Variants in AKAP9 observed in about 807,000 individuals in gnomAD.
AKAP9 encodes the protein A-kinase anchoring protein 9.
In AKAP9, 311 loss-of-function variants were observed where a neutral mutation model predicts 488.5. The ratio of observed to expected loss-of-function variants is 0.64; its 90% CI spans 0.58 to 0.70. The LOEUF is 0.70. Ranked by LOEUF, AKAP9 falls within the 30% of genes least tolerant of loss-of-function variation. The pLI is 0.00. For synonymous variants in AKAP9, 1,462 were observed against 1,483.5 expected, an observed-to-expected ratio of 0.99 and a Z score of 0.33; for missense variants, 4,215 against 4,374.5, an observed-to-expected ratio of 0.96 and a Z score of 1.03.
Position 92,099,760 on chromosome 7 carries a change from C to T in AKAP9, c.10787C>T (p.Thr3596Ile). The change falls in exon 44 of 50, where the codon ACA becomes ATA. Residue 3596 changes from threonine (T) to isoleucine (I), a missense_variant. By Grantham distance (89) the Thr-to-Ile change is moderately conservative. Coordinates refer to ENST00000356239, the MANE Select transcript of AKAP9 (RefSeq NM_005751.5). ...CTACTGAGACAAAATGCTGAGCTGA[C>T]AGGGCATATCAGTCAACTGACTGAA... ...ERLLRQNAEL[T>I]GHISQLTEEK... 6.2e-7 allele frequency: 1 copy of T among 1,614,104 alleles called. No homozygotes were observed. The highest frequency in any genetic ancestry group is 8.5e-7 in the Non-Finnish European group (1 of 1,180,006).
intron 6 of AKAP9, 148 bp from the exon 7 acceptor site, chr7:91,995,455 C>A: frequency 1.5e-6 from 1 of 660,260 alleles, no homozygotes; most frequent in Non-Finnish European, 2.6e-6. Flanking sequence ...CTTGGGTATA[C>A]CTATCTAGTC....
chr7:91,963,372 T>C (rs1380321457), intron 1 of AKAP9, among the ~76,000 whole-genome samples: 19 of 152,274 alleles, frequency 1.2e-4, no homozygotes, highest in Non-Finnish European at 1.5e-5. Context: ...ATTTCTGATT[T>C]ATAAATTAGA....
intron 16 of AKAP9, among the ~76,000 whole-genome samples, chr7:92,037,755 A>G (rs1191109032): frequency 6.6e-6 from 1 of 152,226 alleles, no homozygotes; most frequent in Non-Finnish European, 1.5e-5. Context: ...ATTTGTTTTG[A>G]GGAAATAAGA....
At chr7:92,029,271 G>T (rs999544040) in intron 14 of AKAP9, among the ~76,000 whole-genome samples, 1 of 152,044 alleles carries the variant, frequency 6.6e-6, no homozygotes, top group Non-Finnish European at 1.5e-5. Context: ...GTCCGAAAGT[G>T]AATATTTGTA....
At position 92,083,607 on chromosome 7, in the gene AKAP9, G is replaced by C. The variant is rs144893755; in HGVS notation, c.8598G>C (p.Glu2866Asp). 1.2e-6 allele frequency: 2 copies of C among 1,604,954 alleles called. No individual in the cohort carries two copies. The highest frequency in any genetic ancestry group is 2.7e-5 in the African/African-American group (2 of 74,136). ...EHYVAVQLLKEECGTLKAVIQ... is the reference protein window; with the variant it reads ...EHYVAVQLLKDECGTLKAVIQ... ...ATGTTGCCGTTCAGTTACTGAAAGA[G>C]GAATGTGGTACCTTGAAGGCAGTGA... Residue 2866 changes from glutamate (E) to aspartate (D), a missense_variant, in exon 33 of 50, where the codon GAG becomes GAC. Physicochemically the swap from Glu to Asp is conservative, Grantham distance 45. This residue lies in a region of AKAP9 where 1,476 missense variants were observed against 1,477.4 expected (regional missense o/e 1.00). Transcript: ENST00000356239.
At chr7:92,103,468 G>A (rs550403469) in intron 46 of AKAP9, among the ~76,000 whole-genome samples, 53 of 150,994 alleles carry the variant, frequency 3.5e-4, no homozygotes, top group Non-Finnish European at 6.2e-4. Context: ...GGCTGAGGCC[G>A]GCAGATCGTG....
At chr7:91,955,306 T>G (rs1360786448) in intron 1 of AKAP9, among the ~76,000 whole-genome samples, 4 of 152,186 alleles carry the variant, frequency 2.6e-5, no homozygotes, top group African/African-American at 9.7e-5. Flanking sequence ...GTAAAATGTA[T>G]GTATAAAATA....
intron 21 of AKAP9, among the ~76,000 whole-genome samples, chr7:92,046,320 C>T (rs1453262826): frequency 6.6e-6 from 1 of 152,206 alleles, no homozygotes; most frequent in African/African-American, 2.4e-5. Context: ...CCATTCCACA[C>T]TCAAGCACTT....
Position 92,101,039 on chromosome 7 carries a change from G to T in AKAP9, c.11080G>T (p.Glu3694Ter). ...SLLQTLSPDS[E>*]HVTLKRIYGK... The stretch of plus-strand genomic sequence containing the variant: ...ACTTCAAACTCTGAGCCCTGATTCT[G>T]AACATGTCACTTTAAAGGTAGGAGA... Residue 3694 changes from glutamate (E) to a stop codon, truncating the protein, a stop_gained, in exon 45 of 50, where the codon GAA becomes TAA. Coordinates refer to ENST00000356239, the MANE Select transcript of AKAP9 (RefSeq NM_005751.5). LOFTEE classifies it high-confidence loss of function. 1 of 1,613,610 alleles carries T rather than the reference G, an allele frequency of 6.2e-7. No individual in the cohort carries two copies. Among genetic ancestry groups the T allele is most frequent in the South Asian group, 1.1e-5 (1 of 91,024 alleles).
At chr7:92,102,491 C>CTACT (rs1554469806) in intron 45 of AKAP9, 103 bp from the exon 46 acceptor site, 40 of 656,246 alleles carry the variant, frequency 6.1e-5, no homozygotes, top group African/African-American at 1.1e-4. Context: ...CTACTACTAC[C>CTACT]ACCACCACCA....
intron 15 of AKAP9, 73 bp downstream of exon 15, chr7:92,030,064 A>G: frequency 1.9e-6 from 2 of 1,044,842 alleles, no homozygotes; most frequent in Non-Finnish European, 2.9e-6. Flanking sequence ...TGTCTGGTTT[A>G]CTATCTAATA....
rs1416758645 is a variant in AKAP9 at position 92,091,601 on chromosome 7, A to C, written c.9359-1496A>C. 4.6e-4 allele frequency among the ~76,000 whole-genome samples: 69 copies of C among 151,298 alleles called. 1 individual carries two copies. Among genetic ancestry groups the C allele is most frequent in the Middle Eastern group, 3.4e-3 (1 of 294 alleles). On this transcript the variant is annotated intron_variant, in intron 38 of 49. Transcript: ENST00000356239. The stretch of plus-strand genomic sequence containing the variant: ...ACTCTGTCTCAAAAAAAAAAAACAA[A>C]AAAAAAAAACAAAGCAGAAGCATTC...
At chr7:92,089,570 GA>G (rs765436770) in intron 38 of AKAP9, 41 bp downstream of exon 38, 1 of 1,598,420 alleles carries the variant, frequency 6.3e-7, no homozygotes, top group Non-Finnish European at 8.6e-7. Flanking sequence ...ACAAACAGGT[GA>G]AAAGATTTCA....
intron 7 of AKAP9, among the ~76,000 whole-genome samples, chr7:91,998,159 G>C (rs963182317): frequency 6.6e-6 from 1 of 152,170 alleles, no homozygotes; most frequent in Non-Finnish European, 1.5e-5. Context: ...GAAGAATCTA[G>C]TGCCGCAGCA....
chr7:92,027,588 C>G (rs560646509), intron 14 of AKAP9, among the ~76,000 whole-genome samples: 2 of 145,904 alleles, frequency 1.4e-5, no homozygotes, highest in Admixed American at 1.4e-4. Flanking sequence ...CCGGCTGCCC[C>G]GTCTGGGAAG....
rs60778133 is a variant in AKAP9, at chr7:91,998,418, C to CTTTTTTTTTTTTT, written c.931-2405_931-2393dup. Among the ~76,000 whole-genome samples, 15 of 53,992 alleles carry CTTTTTTTTTTTTT rather than the reference C, an allele frequency of 2.8e-4. 4 individuals carry two copies. The highest frequency in any genetic ancestry group is 5.7e-4 in the Admixed American group (2 of 3,500). 35.4% of individuals were successfully genotyped at this position (53,992 alleles called of 152,430 possible). On this transcript the variant is annotated intron_variant, in intron 7 of 49. Coordinates refer to ENST00000356239, the MANE Select transcript of AKAP9 (RefSeq NM_005751.5). ...AGATAGTGTATTCAACCACAGGGCT[C>CTTTTTTTTTTTTT]TTTTTTTTTTTTTTTTTTTTTTTTT...
chr7:92,093,195 C>T lies in AKAP9; in HGVS notation c.9457C>T (p.Gln3153Ter). Residue 3153 changes from glutamine (Q) to a stop codon, truncating the protein, a stop_gained, in exon 39 of 50, where the codon CAG becomes TAG. Coordinates refer to ENST00000356239, the MANE Select transcript of AKAP9 (RefSeq NM_005751.5). LOFTEE classifies it high-confidence loss of function. ...MKDRATELQE[Q>*]LSSEKMVVAE... is the part of the protein sequence containing the mutation. ...AGACAGAGCAACGGAACTGCAGGAG[C>T]AGCTGAGTTCTGAGAAAATGGTGGT... is the stretch of plus-strand genomic sequence containing the variant. 1 of 1,614,160 alleles carries T rather than the reference C, an allele frequency of 6.2e-7. No homozygotes were observed. Among genetic ancestry groups the T allele is most frequent in the Non-Finnish European group, 8.5e-7 (1 of 1,180,016 alleles).
chr7:91,962,858 G>C (rs571665863), intron 1 of AKAP9, among the ~76,000 whole-genome samples: 1 of 151,810 alleles, frequency 6.6e-6, no homozygotes, highest in African/African-American at 2.4e-5. Context: ...CAAAGTTTTA[G>C]TTTTTCTCAT....
At chr7:92,059,208 TAA>T (rs980324541) in intron 22 of AKAP9, among the ~76,000 whole-genome samples, 9 of 151,970 alleles carry the variant, frequency 5.9e-5, no homozygotes, top group Non-Finnish European at 1.0e-4. Context: ...TTTAATGTAA[TAA>T]GTTTCTTAAA....
Sources: allele counts gnomAD v4.1 joint callset (sites outside exome capture counted in the v4.1 genomes callset), GRCh38; gene constraint gnomAD v4.1.1; regional missense constraint gnomAD v4.1.1; transcripts MANE v1.5; gene names NCBI Gene and HGNC (gene_info 2026-07-23, HGNC 2026-07-21).